Variants in HTR2C observed in about 807,000 individuals in gnomAD.
The protein encoded by HTR2C is 5-hydroxytryptamine (serotonin) receptor 2C, G protein-coupled.
HTR2C carries 5 observed loss-of-function variants against 21.0 expected under a neutral mutation model. The ratio of observed to expected loss-of-function variants is 0.24; its 90% CI spans 0.12 to 0.50. The LOEUF (loss-of-function observed/expected upper bound fraction) is 0.50, where lower values mean the gene tolerates loss of function less well. HTR2C is among the 20% of genes least tolerant of loss of function. The pLI is 0.98. For missense variants in HTR2C, 271 were observed against 371.2 expected, an observed-to-expected ratio of 0.73 and a Z score of 2.22; for synonymous variants, 150 against 145.3, an observed-to-expected ratio of 1.03 and a Z score of -0.23.
In HTR2C at chrX:114,585,913, T is replaced by C. The variant is rs73638441; in HGVS notation, c.-147+1254T>C. 8.6e-3 allele frequency among the ~76,000 whole-genome samples: 941 copies of C among 108,860 alleles called. 11 individuals carry two copies. The highest frequency in any genetic ancestry group is 0.029 in the African/African-American group (879 of 29,891). The allele number at this position is 108,860 out of a possible 115,157, so 94.5% of individuals were successfully genotyped here. A position where few individuals can be genotyped will look rare whatever the true frequency, so the allele number is the denominator to read the frequency against. ...TCATATATGGTTGAGCTAAGATGATTTGGGGGGCGGGGGGTGAGGAAATGC... is the reference window on the plus strand; with the variant it reads ...TCATATATGGTTGAGCTAAGATGATCTGGGGGGCGGGGGGTGAGGAAATGC... On this transcript the variant is annotated intron_variant, in intron 1 of 5. Transcript: ENST00000276198.
chrX:114,892,007 G>C (rs1220338592), intron 5 of HTR2C, among the ~76,000 whole-genome samples: 4 of 110,379 alleles, frequency 3.6e-5, no homozygotes, highest in Admixed American at 1.9e-4. Context: ...TTGCATTCTT[G>C]GGAACAATCT....
At chrX:114,644,816 T>C (rs1556407232) in intron 2 of HTR2C, among the ~76,000 whole-genome samples, 2 of 110,804 alleles carry the variant, frequency 1.8e-5, no homozygotes, top group African/African-American at 6.6e-5. Context: ...AGCATAGTAA[T>C]TAAGTTCTTA....
chrX:114,880,104 G>C (rs1307843582), intron 5 of HTR2C, among the ~76,000 whole-genome samples: 6 of 109,834 alleles, frequency 5.5e-5, no homozygotes, highest in Non-Finnish European at 9.6e-5. Context: ...ATAATTAGTA[G>C]TGTTTAGTAT....
intron 4 of HTR2C, among the ~76,000 whole-genome samples, chrX:114,830,202 C>G (rs782533668): frequency 1.8e-5 from 2 of 110,954 alleles, no homozygotes; most frequent in South Asian, 7.6e-4. Flanking sequence ...CGATGCTTGC[C>G]TCCTTTTATG....
chrX:114,870,096 A>ATTT (rs199741683), intron 5 of HTR2C, among the ~76,000 whole-genome samples: 18 of 105,475 alleles, frequency 1.7e-4, no homozygotes, highest in South Asian at 4.2e-4. Context: ...TATTATTATT[A>ATTT]TTTTTTTTGA....
chrX:114,669,892 G>A (rs1464242851), intron 2 of HTR2C, among the ~76,000 whole-genome samples: 14 of 112,040 alleles, frequency 1.2e-4, no homozygotes, highest in African/African-American at 3.6e-4. Flanking sequence ...TAAAAGATGA[G>A]AAAACAATCA....
chrX:114,647,550 G>A (rs934842199), intron 2 of HTR2C, among the ~76,000 whole-genome samples: 1 of 111,751 alleles, frequency 8.9e-6, no homozygotes, highest in African/African-American at 3.2e-5. Flanking sequence ...GCCTACTGTG[G>A]GCCAGACACT....
At chrX:114,788,894 CTG>C (rs1361953237) in intron 4 of HTR2C, among the ~76,000 whole-genome samples, 1 of 111,493 alleles carries the variant, frequency 9.0e-6, no homozygotes, top group Non-Finnish European at 1.9e-5. Context: ...AGCAATCTGC[CTG>C]TGTCAGCCTC....
intron 2 of HTR2C, among the ~76,000 whole-genome samples, chrX:114,678,800 C>T (rs1040813661): frequency 7.2e-5 from 8 of 111,085 alleles, no homozygotes; most frequent in African/African-American, 2.6e-4. Flanking sequence ...TGCTTTGAAA[C>T]TGTTAGCCTT....
intron 4 of HTR2C, among the ~76,000 whole-genome samples, chrX:114,761,879 A>C (rs1556432447): frequency 0.084 from 1,270 of 15,176 alleles, 46 homozygotes; most frequent in East Asian, 0.39. Flanking sequence ...CTCTCTATAT[A>C]TATATATATG....
intron 2 of HTR2C, among the ~76,000 whole-genome samples, chrX:114,690,529 A>G (rs1470148768): frequency 9.0e-6 from 1 of 111,584 alleles, no homozygotes; most frequent in Non-Finnish European, 1.9e-5. Flanking sequence ...AAAATTGTAC[A>G]TAGAAAATAG....
At chrX:114,744,039 A>G (rs2069677159) in intron 4 of HTR2C, among the ~76,000 whole-genome samples, 1 of 111,486 alleles carries the variant, frequency 9.0e-6, no homozygotes, top group Non-Finnish European at 1.9e-5. Context: ...GGTGGTGCAG[A>G]TGAAAAGGGT....
chrX:114,888,842 CT>C (rs1160367748), intron 5 of HTR2C, among the ~76,000 whole-genome samples: 2 of 111,992 alleles, frequency 1.8e-5, no homozygotes, highest in Admixed American at 9.5e-5. Flanking sequence ...CTCACTTCAT[CT>C]TTTTTTATGT....
intron 2 of HTR2C, among the ~76,000 whole-genome samples, chrX:114,614,629 A>G (rs1011346433): frequency 4.5e-5 from 5 of 111,264 alleles, no homozygotes; most frequent in Non-Finnish European, 7.5e-5. Flanking sequence ...TTCTATGATA[A>G]ATTTTAGAAA....
At chrX:114,801,006 A>T (rs922593056) in intron 4 of HTR2C, among the ~76,000 whole-genome samples, 16 of 111,510 alleles carry the variant, frequency 1.4e-4, no homozygotes, top group South Asian at 7.4e-4. Context: ...GAAAGAACTT[A>T]GAGAGCCCAT....
chrX:114,710,691 G>A (rs1371181097), intron 2 of HTR2C, among the ~76,000 whole-genome samples: 2 of 111,496 alleles, frequency 1.8e-5, no homozygotes, highest in African/African-American at 6.5e-5. Flanking sequence ...ATTTCCACAG[G>A]AATGACTCAA....
chrX:114,882,250 G>T (rs1272936709), intron 5 of HTR2C, among the ~76,000 whole-genome samples: 1 of 110,331 alleles, frequency 9.1e-6, no homozygotes, highest in African/African-American at 3.3e-5. Context: ...TTTTTAAGTG[G>T]ATTCCTTAGA....
intron 2 of HTR2C, among the ~76,000 whole-genome samples, chrX:114,695,627 A>G (rs1932258109): frequency 8.9e-6 from 1 of 112,022 alleles, no homozygotes; most frequent in East Asian, 2.8e-4. Context: ...AGAGCCATGA[A>G]TTTTTTAATA....
At chrX:114,848,857 TG>T (rs2070893712) in intron 5 of HTR2C, among the ~76,000 whole-genome samples, 2 of 111,786 alleles carry the variant, frequency 1.8e-5, no homozygotes, top group African/African-American at 6.5e-5. Context: ...TATTCATAAA[TG>T]CCTTAACAGT....
Sources: gnomAD v4.1 joint callset for allele counts (sites outside exome capture counted in the v4.1 genomes callset) on GRCh38, gnomAD v4.1.1 for gene constraint, MANE v1.5 for transcripts, NCBI Gene and HGNC (gene_info 2026-07-23, HGNC 2026-07-21) for gene names.